The following PRODH2 variants were observed in gnomAD, a reference collection of about 807,000 sequenced individuals.
The protein encoded by PRODH2 is proline dehydrogenase 2, also known as hydroxyproline dehydrogenase.
PRODH2 carries 49 observed loss-of-function variants against 51.9 expected under a neutral mutation model. That is an observed-to-expected ratio of 0.94 (90% confidence interval 0.75 to 1.20). PRODH2 has a LOEUF of 1.20. Ranked by LOEUF, PRODH2 falls within the 50% of genes most tolerant of loss-of-function variation. The pLI is 0.00. For missense variants in PRODH2, 597 were observed against 610.9 expected (o/e 0.98, Z 0.24); for synonymous variants, 249 against 260.7 (o/e 0.96, Z 0.43).
chr19:35,804,338 G>A (rs2146781204), intron 7 of PRODH2, among the ~76,000 whole-genome samples: 1 of 152,246 alleles, frequency 6.6e-6, no homozygotes, highest in South Asian at 2.1e-4. Flanking sequence ...CAGGTGTGAG[G>A]CCCTGCACCT....
intron 4 of PRODH2, among the ~76,000 whole-genome samples, chr19:35,810,550 T>C (rs186819180): frequency 1.0e-3 from 149 of 143,786 alleles, no homozygotes; most frequent in Middle Eastern, 3.8e-3. Flanking sequence ...TGAGACGGAG[T>C]CTTACTCTGT....
chr19:35,812,329 C>A (rs1168430570), intron 2 of PRODH2, 31 bp downstream of exon 2: 1 of 1,610,158 alleles, frequency 6.2e-7, no homozygotes, highest in African/African-American at 1.3e-5. Context: ...TGCGTCCTCC[C>A]AGCCTCCCTG....
chr19:35,805,828 T>C (rs902055126), intron 7 of PRODH2, among the ~76,000 whole-genome samples: 2 of 152,152 alleles, frequency 1.3e-5, no homozygotes, highest in Non-Finnish European at 2.9e-5. Flanking sequence ...TGAGTCCCTG[T>C]GGCCCCCAGA....
Position 35,812,435 on chromosome 19 carries a change from T to C in PRODH2, c.296A>G (p.Gln99Arg). The C allele has an allele frequency of 5.6e-6, 9 of 1,614,230 alleles. No individual in the cohort carries two copies. The highest frequency in any genetic ancestry group is 6.8e-6 in the Non-Finnish European group (8 of 1,180,042). Residue 99 changes from glutamine to arginine, a missense_variant, in exon 2 of 10, where the codon CAG becomes CGG. Transcript: ENST00000653904. ...TAEEVKGCVQQLRTLSLRPLL... is the reference protein window; with the variant it reads ...TAEEVKGCVQRLRTLSLRPLL... ...TGGTCGGAGGCTGAGGGTCCGCAGC[T>C]GCTGCACGCAGCCCTTCACCTCCTC... is the stretch of plus-strand genomic sequence containing the variant.
rs766129456 is a variant in PRODH2, at chr19:35,812,061, G to T, written c.511-13C>A. ...AGGCTAGCTCCTTCTGAAATGGGGT[G>T]GTAGGCGGGGTGGTGAGGGGAGCCC... On this transcript the variant is annotated splice_polypyrimidine_tract_variant and intron_variant, in intron 3 of 9. Coordinates refer to ENST00000653904, the MANE Select transcript of PRODH2 (RefSeq NM_021232.2). The T allele has an allele frequency of 5.0e-6, 8 of 1,613,990 alleles. No homozygotes were observed. In the East Asian group the frequency reaches 1.8e-4, roughly 36 times the overall value.
intron 4 of PRODH2, among the ~76,000 whole-genome samples, chr19:35,810,323 TA>T (rs1374509807): frequency 2.0e-5 from 3 of 150,060 alleles, no homozygotes; most frequent in East Asian, 3.9e-4. Context: ...AAATTACAAA[TA>T]AAAAAAGGTT....
At position 35,812,616 on chromosome 19, in the gene PRODH2, C is replaced by T. The variant is rs928708078; in HGVS notation, c.174+16G>A. On this transcript the variant is annotated intron_variant, in intron 1 of 9. Coordinates refer to ENST00000653904, the MANE Select transcript of PRODH2 (RefSeq NM_021232.2). ...TATGAGGAGCCTCCAGGCTGGTCCT[C>T]AGGATCACTGCTCACCAACAGCCCG... 5.0e-6 allele frequency: 8 copies of T among 1,595,624 alleles called. No homozygotes were observed. The Admixed American group carries it at 1.0e-4, about 20-fold the overall frequency.
At chr19:35,807,254 C>G (rs772455705) in intron 4 of PRODH2, 133 bp from the exon 5 acceptor site, 7 of 833,382 alleles carry the variant, frequency 8.4e-6, no homozygotes, top group Non-Finnish European at 1.3e-5. Context: ...GGCTTCACCA[C>G]CTACTGTGTG....
Position 35,800,352 on chromosome 19 carries a change from G to T in PRODH2, c.1199-130C>A, listed in dbSNP as rs1315597340. 3.8e-6 allele frequency: 3 copies of T among 795,732 alleles called. No homozygotes were observed. In the African/African-American group the frequency reaches 5.4e-5, roughly 14 times the overall value. 49.3% of individuals were successfully genotyped at this position (795,732 alleles called of 1,614,324 possible). ...GCAAGCTCTGCCTCCAGGTTCAAGCGATTCTCATGCCTCAGCCTCCAGAAT... is the reference window on the plus strand; with the variant it reads ...GCAAGCTCTGCCTCCAGGTTCAAGCTATTCTCATGCCTCAGCCTCCAGAAT... On this transcript the variant is annotated intron_variant, in intron 9 of 9. Coordinates refer to ENST00000653904, the MANE Select transcript of PRODH2 (RefSeq NM_021232.2).
rs757686443 is a variant in PRODH2 at position 35,812,406 on chromosome 19, G to A, written c.325C>T (p.Leu109=). The A allele has an allele frequency of 1.9e-6, 3 of 1,614,216 alleles. No homozygotes were observed. Among genetic ancestry groups the A allele is most frequent in the Non-Finnish European group, 2.5e-6 (3 of 1,180,030 alleles). The change falls in exon 2 of 10, where the codon CTG becomes TTG. Residue 109 remains leucine (L), a synonymous_variant. Coordinates refer to ENST00000653904, the MANE Select transcript of PRODH2 (RefSeq NM_021232.2). ...GGCTCCTCCTCAGTGGGCACTGCCA[G>A]CAGTGGTCGGAGGCTGAGGGTCCGC... The part of the protein sequence containing the change: ...QLRTLSLRPL[L]AVPTEEEPDS...
Position 35,806,782 on chromosome 19 carries a change from A to G in PRODH2, c.727T>C (p.Ser243Pro). The part of the protein sequence containing the change: ...VRLLVDAEYT[S>P]LNPALSLLVA... ...AGCAGCGAGAGCGCAGGGTTCAGTG[A>G]GGTGTACTCCGCATCCACCAGGAGC... The change falls in exon 6 of 10, where the codon TCA becomes CCA. Residue 243 changes from serine (S) to proline (P), a missense_variant. Coordinates refer to ENST00000653904, the MANE Select transcript of PRODH2 (RefSeq NM_021232.2). 1 of 1,613,194 alleles carries G rather than the reference A, an allele frequency of 6.2e-7. No homozygotes were observed. The highest frequency in any genetic ancestry group is 2.2e-5 in the East Asian group (1 of 44,840).
At chr19:35,806,317 C>A in intron 7 of PRODH2, 113 bp downstream of exon 7, 2 of 1,367,058 alleles carry the variant, frequency 1.5e-6, no homozygotes, top group South Asian at 2.6e-5. Context: ...CTCCTGCTCT[C>A]AAGTGAATCT....
intron 9 of PRODH2, among the ~76,000 whole-genome samples, chr19:35,800,913 A>G (rs745776577): frequency 6.6e-6 from 1 of 152,136 alleles, no homozygotes; most frequent in Non-Finnish European, 1.5e-5. Flanking sequence ...ATTTTGAGAC[A>G]GAGTCTTGGT....
At chr19:35,801,851 G>T in intron 9 of PRODH2, 1 of 274,428 alleles carries the variant, frequency 3.6e-6, no homozygotes, top group East Asian at 6.9e-5. Flanking sequence ...GTGCCAGTGG[G>T]GTGTTTCAAG....
rs1157361642 is a variant in PRODH2 at position 35,806,732 on chromosome 19, C to G, written c.777G>C (p.Trp259Cys). 3.7e-6 allele frequency: 6 copies of G among 1,613,920 alleles called. No homozygotes were observed. In the Admixed American group the frequency reaches 1.0e-4, roughly 27 times the overall value. The change falls in exon 6 of 10, where the codon TGG becomes TGC. Residue 259 changes from tryptophan (W) to cysteine (C), a missense_variant. Trp to Cys is a radical substitution (Grantham distance 215). Coordinates refer to ENST00000653904, the MANE Select transcript of PRODH2 (RefSeq NM_021232.2). ...SLLVAALAVRWNSPGEGGPWV... is the reference protein window; with the variant it reads ...SLLVAALAVRCNSPGEGGPWV... ...AGGGCCCGCCTTCACCCGGGCTGTT[C>G]CAGCGCACAGCCAGGGCAGCCACCA...
chr19:35,802,650 C>T (rs1315589338), intron 8 of PRODH2, among the ~76,000 whole-genome samples: 1 of 152,070 alleles, frequency 6.6e-6, no homozygotes, highest in Non-Finnish European at 1.5e-5. Context: ...CAGTCTCAAC[C>T]TCTTGGGCTC....
intron 9 of PRODH2, among the ~76,000 whole-genome samples, chr19:35,800,641 T>A (rs922463547): frequency 6.6e-6 from 1 of 152,096 alleles, no homozygotes; most frequent in African/African-American, 2.4e-5. Flanking sequence ...CATGGCAGAT[T>A]AAGTGAGTTG....
intron 4 of PRODH2, among the ~76,000 whole-genome samples, chr19:35,808,475 G>A (rs1972548372): frequency 1.3e-5 from 2 of 152,240 alleles, no homozygotes; most frequent in South Asian, 4.1e-4. Flanking sequence ...TCCTGGAGAA[G>A]GGAAGACCTG....
intron 7 of PRODH2, among the ~76,000 whole-genome samples, chr19:35,803,709 C>T (rs1972467607): frequency 1.3e-5 from 2 of 152,226 alleles, no homozygotes; most frequent in Non-Finnish European, 2.9e-5. Context: ...AAGGTTATCA[C>T]TGCTGCATTG....
Sources: allele counts gnomAD v4.1 joint callset (sites outside exome capture counted in the v4.1 genomes callset), GRCh38; gene constraint gnomAD v4.1.1; transcripts MANE v1.5; gene names NCBI Gene and HGNC (gene_info 2026-07-23, HGNC 2026-07-21).